Variants in XPO7 observed in about 807,000 individuals in gnomAD.
XPO7 encodes exportin-7.
In XPO7, 21 loss-of-function variants were observed where a neutral mutation model predicts 144.3. The observed-to-expected ratio is 0.15, with a 90% CI of 0.10 to 0.21. The LOEUF is 0.21. Ranked by LOEUF, XPO7 falls within the 10% of genes least tolerant of loss-of-function variation. XPO7 has a pLI of 1.00. For synonymous variants in XPO7, 580 were observed against 499.6 expected (o/e 1.16, Z -2.15); for missense variants, 808 against 1,325.8 (o/e 0.61, Z 6.06).
At position 21,946,591 on chromosome 8, in the gene XPO7, A is replaced by AC. The variant is rs374279266; in HGVS notation, c.19-20266_19-20265insC. On this transcript the variant is annotated intron_variant, in intron 1 of 27. Transcript: ENST00000252512. Reference sequence around the variant, plus strand: ...CTAGAACTGAAAAAAAAAAACAAAAAAAAAAAACATGAATCTAAGTTAAAG... The same window carrying AC: ...CTAGAACTGAAAAAAAAAAACAAAAACAAAAAAACATGAATCTAAGTTAAAG... Among the ~76,000 whole-genome samples, 985 of 150,760 alleles carry AC rather than the reference A, an allele frequency of 6.5e-3. 19 individuals are homozygous for AC. Among genetic ancestry groups the AC allele is most frequent in the African/African-American group, 0.022 (919 of 41,144 alleles).
intron 20 of XPO7, among the ~76,000 whole-genome samples, chr8:21,995,273 A>T (rs187993785): frequency 9.8e-5 from 15 of 152,296 alleles, no homozygotes; most frequent in Admixed American, 9.8e-4. Flanking sequence ...GAAAGGCCCT[A>T]TGTAAACTAA....
intron 25 of XPO7, 143 bp downstream of exon 25, chr8:22,002,415 A>G (rs1813181555): frequency 9.0e-7 from 1 of 1,110,504 alleles, no homozygotes; most frequent in Admixed American, 2.8e-5. Context: ...TTAAAGTTGC[A>G]GTGGATTTTG....
intron 1 of XPO7, among the ~76,000 whole-genome samples, chr8:21,965,837 AATTATT>A (rs754480135): frequency 6.6e-6 from 1 of 152,122 alleles, no homozygotes; most frequent in Non-Finnish European, 1.5e-5. Flanking sequence ...AGGTTGGTTT[AATTATT>A]ATTATTTTTG....
chr8:21,964,654 A>G (rs1811826541), intron 1 of XPO7, among the ~76,000 whole-genome samples: 1 of 152,148 alleles, frequency 6.6e-6, no homozygotes, highest in Non-Finnish European at 1.5e-5. Context: ...AAGTGTGTAA[A>G]TGGTCAAATT....
At chr8:21,968,424 A>T (rs1986887) in intron 2 of XPO7, among the ~76,000 whole-genome samples, 1 of 152,220 alleles carries the variant, frequency 6.6e-6, no homozygotes, top group Non-Finnish European at 1.5e-5. Context: ...TATCTGAATG[A>T]TACAAAGTCA....
At position 21,982,799 on chromosome 8, in the gene XPO7, C is replaced by A; in HGVS notation, c.1264C>A (p.His422Asn). 6.2e-7 allele frequency: 1 copy of A among 1,607,146 alleles called. No individual in the cohort carries two copies. The highest frequency in any genetic ancestry group is 8.5e-7 in the Non-Finnish European group (1 of 1,177,732). The change falls in exon 11 of 28, where the codon CAC becomes AAC. Residue 422 changes from histidine (H) to asparagine (N), a missense_variant. Transcript: ENST00000252512. ...CATCACATCCCGGTTGGAATCTGTG[C>A]ACATCATACTGAGGTAAGGAAACTT... ...AYITSRLESVHIILRDGLEDP... is the reference protein window; with the variant it reads ...AYITSRLESVNIILRDGLEDP...
intron 1 of XPO7, among the ~76,000 whole-genome samples, chr8:21,930,926 T>G (rs1810624708): frequency 6.6e-6 from 1 of 152,106 alleles, no homozygotes; most frequent in African/African-American, 2.4e-5. Context: ...CTGCAACCTC[T>G]GCCTTCTGGG....
chr8:21,974,096 G>A (rs1034769471), intron 5 of XPO7, among the ~76,000 whole-genome samples: 1 of 118,382 alleles, frequency 8.4e-6, no homozygotes, highest in Non-Finnish European at 1.8e-5. Flanking sequence ...AGACTCTGCT[G>A]CCCAGGCTGG....
intron 1 of XPO7, among the ~76,000 whole-genome samples, chr8:21,937,067 T>C (rs1810843981): frequency 6.6e-6 from 1 of 152,238 alleles, no homozygotes; most frequent in South Asian, 2.1e-4. Context: ...TCCAAAATTA[T>C]ACCTTATTTT....
rs1252829685 is a variant in XPO7, at chr8:21,985,593, G to C, written c.1479G>C (p.Leu493=). Residue 493 remains leucine, a synonymous_variant, in exon 13 of 28, where the codon CTG becomes CTC. Coordinates refer to ENST00000252512, the MANE Select transcript of XPO7 (RefSeq NM_015024.5). The part of the protein sequence containing the change: ...PMDIAVQEGR[L]TWLVYIIGAV... Reference sequence around the variant, plus strand: ...GTCTGTCTCCTGCTGCAGGAAGGCTGACATGGCTGGTTTACATTATTGGAG... The same window carrying C: ...GTCTGTCTCCTGCTGCAGGAAGGCTCACATGGCTGGTTTACATTATTGGAG... The C allele has an allele frequency of 2.5e-6, 4 of 1,613,984 alleles. No homozygotes were observed. In the Admixed American group the frequency reaches 6.7e-5, roughly 27 times the overall value.
At chr8:21,958,521 A>T (rs1266221366) in intron 1 of XPO7, among the ~76,000 whole-genome samples, 1 of 152,110 alleles carries the variant, frequency 6.6e-6, no homozygotes, top group Non-Finnish European at 1.5e-5. Context: ...TGCCCTTAGG[A>T]ACTCGACATA....
At chr8:21,976,100 T>C (rs1042989947) in intron 6 of XPO7, among the ~76,000 whole-genome samples, 2 of 152,220 alleles carry the variant, frequency 1.3e-5, no homozygotes, top group Non-Finnish European at 2.9e-5. Context: ...GTGAGGAGTA[T>C]AGTAAGTGTT....
chr8:21,954,019 C>G (rs7821592), intron 1 of XPO7, among the ~76,000 whole-genome samples: 55,353 of 151,996 alleles, frequency 0.36, 10,545 homozygotes, highest in East Asian at 0.44. Flanking sequence ...ATTTTAAGAA[C>G]TAGTAACATA....
Position 22,003,384 on chromosome 8 carries a change from C to T in XPO7, c.3042+67C>T, listed in dbSNP as rs562501522. 1.8e-5 allele frequency: 23 copies of T among 1,279,032 alleles called. No individual in the cohort carries two copies. In the African/African-American group the frequency reaches 3.2e-4, roughly 18 times the overall value. 79.2% of individuals were successfully genotyped at this position (1,279,032 alleles called of 1,614,324 possible). On this transcript the variant is annotated intron_variant, in intron 26 of 27. Transcript: ENST00000252512. The stretch of plus-strand genomic sequence containing the variant: ...CAACCACGCACTTGGTATCACCAAG[C>T]CCTGGGAGAAATGTGTATAGAAACA...
chr8:21,989,066 C>A lies in XPO7; in HGVS notation c.1851C>A (p.Leu617=). The A allele has an allele frequency of 6.2e-7, 1 of 1,613,786 alleles. No individual in the cohort carries two copies. The highest frequency in any genetic ancestry group is 8.5e-7 in the Non-Finnish European group (1 of 1,179,812). The change falls in exon 16 of 28, where the codon CTC becomes CTA. Residue 617 remains leucine, a synonymous_variant. Transcript: ENST00000252512. The stretch of plus-strand genomic sequence containing the variant: ...TCACCTCCAAGACACTACAGCTTCT[C>A]AATGACCTGTCCATTGGATATCCTT... The part of the protein sequence containing the change: ...EPITSKTLQL[L]NDLSIGYSSV...
intron 1 of XPO7, among the ~76,000 whole-genome samples, chr8:21,934,323 C>G (rs767502938): frequency 6.6e-6 from 1 of 151,988 alleles, no homozygotes; most frequent in Non-Finnish European, 1.5e-5. Context: ...CACCTGAGGT[C>G]GGGAGTTTGA....
At chr8:21,965,880 A>G (rs1284749545) in intron 1 of XPO7, among the ~76,000 whole-genome samples, 1 of 152,222 alleles carries the variant, frequency 6.6e-6, no homozygotes, top group Non-Finnish European at 1.5e-5. Flanking sequence ...CCTTTCTAAT[A>G]GTAGGATCCC....
chr8:21,981,778 C>A lies in XPO7; in HGVS notation c.1005C>A (p.Ala335=), dbSNP rs781461139. The part of the protein sequence containing the change: ...NNYHEFCRLL[A]RLKSNYQLGE... ...ACCATGAGTTTTGCAGACTACTGGC[C>A]CGATTGAAGAGTAACTATCAACTGG... The change falls in exon 10 of 28, where the codon GCC becomes GCA. Residue 335 remains alanine, a synonymous_variant. Coordinates refer to ENST00000252512, the MANE Select transcript of XPO7 (RefSeq NM_015024.5). 4.3e-6 allele frequency: 7 copies of A among 1,613,730 alleles called. No individual in the cohort carries two copies. The African/African-American group carries it at 9.3e-5, about 22-fold the overall frequency.
intron 1 of XPO7, among the ~76,000 whole-genome samples, chr8:21,932,425 A>G (rs1810682607): frequency 6.6e-6 from 1 of 152,204 alleles, no homozygotes; most frequent in Non-Finnish European, 1.5e-5. Context: ...GAGGGTAAAT[A>G]TGAAACCCTG....
Sources: allele counts gnomAD v4.1 joint callset (sites outside exome capture counted in the v4.1 genomes callset), GRCh38; gene constraint gnomAD v4.1.1; transcripts MANE v1.5; gene names NCBI Gene and HGNC (gene_info 2026-07-23, HGNC 2026-07-21).